Variants in TNIK observed in about 807,000 individuals in gnomAD.
The protein encoded by TNIK is TRAF2 and NCK-interacting protein kinase.
TNIK carries 49 observed loss-of-function variants against 191.3 expected under a neutral mutation model. The ratio of observed to expected loss-of-function variants is 0.26; its 90% CI spans 0.20 to 0.32. The LOEUF is 0.32. Ranked by LOEUF, TNIK falls within the 10% of genes least tolerant of loss-of-function variation. The pLI is 1.00. For missense variants in TNIK, 1,155 were observed against 1,702.3 expected (o/e 0.68, Z 5.66); for synonymous variants, 594 against 600.9 (o/e 0.99, Z 0.17).
At chr3:171,208,361 A>T (rs2108899743) in intron 4 of TNIK, among the ~76,000 whole-genome samples, 1 of 152,298 alleles carries the variant, frequency 6.6e-6, no homozygotes, top group East Asian at 1.9e-4. Flanking sequence ...AGAAAAAAAA[A>T]GCAGATGTAA....
At chr3:171,290,499 T>C (rs1032239245) in intron 2 of TNIK, among the ~76,000 whole-genome samples, 3 of 152,224 alleles carry the variant, frequency 2.0e-5, no homozygotes, top group African/African-American at 7.2e-5. Context: ...ACAATAGATA[T>C]GTGAGAAATG....
At chr3:171,339,337 G>T (rs995210284) in intron 2 of TNIK, among the ~76,000 whole-genome samples, 2 of 152,174 alleles carry the variant, frequency 1.3e-5, no homozygotes, top group African/African-American at 4.8e-5. Flanking sequence ...TGTCCACTCT[G>T]ATATTCAGCT....
At chr3:171,253,589 T>TCC (rs67388870) in intron 2 of TNIK, among the ~76,000 whole-genome samples, 43 of 121,618 alleles carry the variant, frequency 3.5e-4, no homozygotes, top group Admixed American at 5.3e-4. Context: ...AGAAGACAGG[T>TCC]CCCCCCCCCA....
chr3:171,266,882 C>T (rs1748468394), intron 2 of TNIK, among the ~76,000 whole-genome samples: 1 of 152,220 alleles, frequency 6.6e-6, no homozygotes, highest in African/African-American at 2.4e-5. Context: ...TCATATTTGA[C>T]TATTTTCACT....
At chr3:171,218,606 T>G in intron 3 of TNIK, among the ~76,000 whole-genome samples, 1 of 150,502 alleles carries the variant, frequency 6.6e-6, no homozygotes, top group Non-Finnish European at 1.5e-5. Flanking sequence ...TTGGGAAAAA[T>G]AACTAGCAAG....
intron 15 of TNIK, among the ~76,000 whole-genome samples, chr3:171,136,718 C>T (rs1247559061): frequency 1.3e-5 from 2 of 152,174 alleles, no homozygotes; most frequent in South Asian, 2.1e-4. Flanking sequence ...TTCAACTTGG[C>T]ATGGCTAGGA....
chr3:171,076,345 T>G (rs16855771), intron 28 of TNIK, among the ~76,000 whole-genome samples: 19,716 of 152,192 alleles, frequency 0.13, 1,626 homozygotes, highest in African/African-American at 0.23. Flanking sequence ...TGAAGTTCTT[T>G]CTTTCTGAGC....
intron 1 of TNIK, among the ~76,000 whole-genome samples, chr3:171,431,338 G>A (rs147374508): frequency 3.0e-4 from 45 of 152,038 alleles, no homozygotes; most frequent in East Asian, 2.9e-3. Context: ...TATATTTAGC[G>A]TCTTTAGAGT....
intron 1 of TNIK, among the ~76,000 whole-genome samples, chr3:171,404,528 G>GTT (rs933967968): frequency 7.0e-6 from 1 of 142,604 alleles, no homozygotes; most frequent in African/African-American, 2.6e-5. Context: ...CCTTGAGTTT[G>GTT]TTTTTTTTTT....
chr3:171,410,519 C>T (rs552458459), intron 1 of TNIK, among the ~76,000 whole-genome samples: 1 of 152,212 alleles, frequency 6.6e-6, no homozygotes, highest in South Asian at 2.1e-4. Context: ...TTGGCTCACG[C>T]CTGTAATCCC....
chr3:171,288,110 T>C (rs1751225712), intron 2 of TNIK, among the ~76,000 whole-genome samples: 1 of 134,706 alleles, frequency 7.4e-6, no homozygotes, highest in South Asian at 2.4e-4. Context: ...TAGGTGGGAA[T>C]TGAACAATGA....
chr3:171,413,701 C>T (rs1560041638), intron 1 of TNIK, among the ~76,000 whole-genome samples: 1 of 152,180 alleles, frequency 6.6e-6, no homozygotes, highest in African/African-American at 2.4e-5. Flanking sequence ...ATGTAACTTT[C>T]CTTAGAGAAA....
chr3:171,066,806 A>G (rs1718497790), intron 30 of TNIK, 71 bp from the exon 31 acceptor site: 7 of 1,501,240 alleles, frequency 4.7e-6, no homozygotes, highest in Non-Finnish European at 6.2e-6. Context: ...ATCTCTAACA[A>G]CTGCAAAAAA....
intron 28 of TNIK, among the ~76,000 whole-genome samples, chr3:171,076,546 G>A (rs962656526): frequency 4.6e-5 from 7 of 151,964 alleles, no homozygotes; most frequent in Non-Finnish European, 8.8e-5. Context: ...TTCCTCCGCC[G>A]CTCCTTTATT....
chr3:171,129,472 T>C (rs1333341618), intron 15 of TNIK, among the ~76,000 whole-genome samples: 3 of 152,232 alleles, frequency 2.0e-5, no homozygotes, highest in Admixed American at 1.3e-4. Context: ...TTTAGGGGTC[T>C]TTCTTTCCAG....
At position 171,365,161 on chromosome 3, in the gene TNIK, C is replaced by CTTTTTTTTTTTTTTTTTTTTTTTTTTTT. The variant is rs60887361; in HGVS notation, c.123+4431_123+4458dup. Among the ~76,000 whole-genome samples the CTTTTTTTTTTTTTTTTTTTTTTTTTTTT allele has an allele frequency of 1.6e-4, 5 of 31,934 alleles. 2 individuals carry two copies. The highest frequency in any genetic ancestry group is 3.2e-4 in the Non-Finnish European group (5 of 15,444). 20.9% of individuals were successfully genotyped at this position (31,934 alleles called of 152,430 possible). ...AAGGACTACACAAAAGGACTACATT[C>CTTTTTTTTTTTTTTTTTTTTTTTTTTTT]TTTTTTTTTTTTTTTTTTTTTTTTT... On this transcript the variant is annotated intron_variant, in intron 2 of 32. Coordinates refer to ENST00000436636, the MANE Select transcript of TNIK (RefSeq NM_015028.4).
intron 17 of TNIK, among the ~76,000 whole-genome samples, chr3:171,125,565 G>A (rs1011123382): frequency 8.5e-5 from 13 of 152,258 alleles, no homozygotes; most frequent in African/African-American, 3.1e-4. Context: ...GTTTTCAATT[G>A]TCTTGATGTA....
At chr3:171,115,620 T>C (rs894658591) in intron 18 of TNIK, among the ~76,000 whole-genome samples, 1 of 152,198 alleles carries the variant, frequency 6.6e-6, no homozygotes, top group Non-Finnish European at 1.5e-5. Flanking sequence ...TTGTTTTTCC[T>C]GATGCATGTG....
At chr3:171,447,198 C>CAAATAAAT (rs542753390) in intron 1 of TNIK, among the ~76,000 whole-genome samples, 3 of 150,570 alleles carry the variant, frequency 2.0e-5, no homozygotes, top group African/African-American at 7.4e-5. Context: ...CTCAAACAAA[C>CAAATAAAT]AAATAAATAA....
Sources: allele counts gnomAD v4.1 joint callset (sites outside exome capture counted in the v4.1 genomes callset), GRCh38; gene constraint gnomAD v4.1.1; transcripts MANE v1.5; gene names NCBI Gene and HGNC (gene_info 2026-07-23, HGNC 2026-07-21).